GRM5: variants seen among roughly 807,000 people sequenced by gnomAD.
GRM5 encodes the protein metabotropic glutamate receptor 5.
Under a neutral mutation model 83.1 loss-of-function variants are expected in GRM5, and 19 were observed. The observed-to-expected ratio is 0.23, with a 90% confidence interval of 0.16 to 0.34. The LOEUF (loss-of-function observed/expected upper bound fraction) is 0.34. Among genes scored for constraint, GRM5 ranks in the 10% least tolerant of loss-of-function variants. The pLI is 1.00. For missense variants in GRM5, 1,160 were observed against 1,588.3 expected, an observed-to-expected ratio of 0.73 and a Z score of 4.58; for synonymous variants, 675 against 633.6, an observed-to-expected ratio of 1.07 and a Z score of -0.98.
chr11:88,641,962 G>A (rs890351351), intron 4 of GRM5, among the ~76,000 whole-genome samples: 1 of 152,144 alleles, frequency 6.6e-6, no homozygotes, highest in African/African-American at 2.4e-5. Flanking sequence ...CAGTTCCCTG[G>A]TGGGGACTGT....
intron 2 of GRM5, among the ~76,000 whole-genome samples, chr11:88,987,124 G>A (rs1939746794): frequency 6.6e-6 from 1 of 152,114 alleles, no homozygotes; most frequent in South Asian, 2.1e-4. Context: ...GGGAGTGCCA[G>A]ACAGTGGGCG....
intron 2 of GRM5, among the ~76,000 whole-genome samples, chr11:88,972,411 G>T (rs1263756148): frequency 3.3e-5 from 5 of 152,108 alleles, no homozygotes; most frequent in African/African-American, 1.2e-4. Context: ...ACCTGTCTTT[G>T]ACTGTTGAGC....
intron 2 of GRM5, among the ~76,000 whole-genome samples, chr11:88,996,418 T>G (rs878934854): frequency 6.6e-6 from 1 of 152,150 alleles, no homozygotes; most frequent in Non-Finnish European, 1.5e-5. Context: ...TAATTACTTG[T>G]CAAATTTGAA....
At chr11:88,695,781 G>T (rs937669558) in intron 3 of GRM5, among the ~76,000 whole-genome samples, 1 of 152,098 alleles carries the variant, frequency 6.6e-6, no homozygotes, top group African/African-American at 2.4e-5. Context: ...GGTGTGGCTC[G>T]CTTCTTCCAT....
chr11:88,874,065 C>A lies in GRM5; in HGVS notation c.662-23910G>T, dbSNP rs577557815. Reference sequence around the variant, plus strand: ...AACACCTGAACAGACCAGTAATGAGCAATGATATTGATTCAGAAAGGAAAG... The same window carrying A: ...AACACCTGAACAGACCAGTAATGAGAAATGATATTGATTCAGAAAGGAAAG... On this transcript the variant is annotated intron_variant, in intron 2 of 9. Coordinates refer to ENST00000305447, the MANE Select transcript of GRM5 (RefSeq NM_001143831.3). 1.1e-3 allele frequency among the ~76,000 whole-genome samples: 169 copies of A among 151,576 alleles called. 1 individual carries two copies. Among genetic ancestry groups the A allele is most frequent in the Non-Finnish European group, 1.9e-3 (131 of 67,708 alleles).
intron 8 of GRM5, among the ~76,000 whole-genome samples, chr11:88,540,645 C>T (rs898247031): frequency 2.6e-5 from 4 of 152,122 alleles, no homozygotes; most frequent in East Asian, 1.9e-4. Flanking sequence ...CTTCATGACA[C>T]GGGGAGGAGG....
chr11:88,581,431 T>C (rs1943211297), intron 7 of GRM5, among the ~76,000 whole-genome samples: 2 of 152,234 alleles, frequency 1.3e-5, no homozygotes, highest in African/African-American at 4.8e-5. Context: ...GAGTCACTGG[T>C]GGAGTGTGAA....
At chr11:88,707,833 T>G (rs1262857801) in intron 3 of GRM5, among the ~76,000 whole-genome samples, 5 of 152,170 alleles carry the variant, frequency 3.3e-5, no homozygotes, top group Admixed American at 2.0e-4. Flanking sequence ...ATTATATCAT[T>G]AAAACCATAT....
intron 3 of GRM5, among the ~76,000 whole-genome samples, chr11:88,689,100 A>G (rs1940717500): frequency 6.6e-6 from 1 of 152,196 alleles, no homozygotes; most frequent in African/African-American, 2.4e-5. Flanking sequence ...AATACTAGAT[A>G]CTGCTAACTG....
intron 4 of GRM5, among the ~76,000 whole-genome samples, chr11:88,650,531 A>C (rs1454215466): frequency 6.6e-6 from 1 of 152,018 alleles, no homozygotes; most frequent in Non-Finnish European, 1.5e-5. Flanking sequence ...AATACAGAAG[A>C]AAAAACCAGG....
intron 3 of GRM5, among the ~76,000 whole-genome samples, chr11:88,795,827 G>C (rs1048486810): frequency 5.3e-5 from 8 of 152,174 alleles, no homozygotes; most frequent in Non-Finnish European, 8.8e-5. Flanking sequence ...CCCTTAGCCT[G>C]AGAAAACAAC....
chr11:88,506,624 G>T lies in GRM5; in HGVS notation c.*1968C>A, dbSNP rs1304362950. 6.6e-6 allele frequency: 1 copy of T among 152,112 alleles called. No homozygotes were observed. The highest frequency in any genetic ancestry group is 1.5e-5 in the Non-Finnish European group (1 of 68,024). The allele number at this position is 152,112 out of a possible 1,614,324, so 9.4% of individuals were successfully genotyped here. A position where few individuals can be genotyped will look rare whatever the true frequency, so the allele number is the denominator to read the frequency against. Reference sequence around the variant, plus strand: ...GTTATTTTCAAATCTAGCATGGGAGGTTCGATTTCTTTTAAATTAATACTT... The same window carrying T: ...GTTATTTTCAAATCTAGCATGGGAGTTTCGATTTCTTTTAAATTAATACTT... On this transcript the variant is annotated 3_prime_UTR_variant, in exon 10 of 10. Transcript: ENST00000305447.
intron 3 of GRM5, among the ~76,000 whole-genome samples, chr11:88,688,845 A>G (rs527926155): frequency 3.9e-5 from 6 of 152,094 alleles, no homozygotes; most frequent in Non-Finnish European, 7.4e-5. Context: ...TCATCTTGTT[A>G]GGCGATTAGA....
chr11:88,824,312 G>A (rs1392665295), intron 3 of GRM5, among the ~76,000 whole-genome samples: 1 of 152,104 alleles, frequency 6.6e-6, no homozygotes, highest in Non-Finnish European at 1.5e-5. Context: ...AGCAGTCTTC[G>A]ATGAACATAC....
chr11:88,705,022 A>T (rs1941121938), intron 3 of GRM5, among the ~76,000 whole-genome samples: 1 of 152,066 alleles, frequency 6.6e-6, no homozygotes, highest in Non-Finnish European at 1.5e-5. Context: ...AACATAACAT[A>T]TGATTGTATA....
chr11:88,536,936 C>G (rs1942149065), intron 8 of GRM5, among the ~76,000 whole-genome samples: 2 of 152,074 alleles, frequency 1.3e-5, no homozygotes, highest in South Asian at 4.1e-4. Context: ...TCTTAACAAA[C>G]TCAGGAATAT....
chr11:89,016,627 C>T (rs553872672), intron 2 of GRM5, among the ~76,000 whole-genome samples: 9 of 152,134 alleles, frequency 5.9e-5, no homozygotes, highest in Admixed American at 2.0e-4. Flanking sequence ...TTAGAGAAGT[C>T]GAGTGATTTT....
At chr11:88,669,315 G>A (rs1759570646) in intron 3 of GRM5, among the ~76,000 whole-genome samples, 1 of 152,034 alleles carries the variant, frequency 6.6e-6, no homozygotes, top group Admixed American at 6.6e-5. Flanking sequence ...TGGCAACCTA[G>A]CTAAAAAAGA....
At chr11:89,033,770 G>T (rs1941319959) in intron 2 of GRM5, among the ~76,000 whole-genome samples, 1 of 151,528 alleles carries the variant, frequency 6.6e-6, no homozygotes, top group African/African-American at 2.4e-5. Context: ...TTTAAAAAAA[G>T]GTACATTCCA....
Sources: allele counts gnomAD v4.1 joint callset (sites outside exome capture counted in the v4.1 genomes callset), GRCh38; gene constraint gnomAD v4.1.1; transcripts MANE v1.5; gene names NCBI Gene and HGNC (gene_info 2026-07-23, HGNC 2026-07-21).